The following APBB2 variants were observed in gnomAD, a reference collection of about 807,000 sequenced individuals.
The protein encoded by APBB2 is amyloid beta precursor protein binding family B member 2.
Under a neutral mutation model 82.5 loss-of-function variants are expected in APBB2, and 38 were observed. The ratio of observed to expected loss-of-function variants is 0.46; its 90% CI spans 0.36 to 0.60. The LOEUF (loss-of-function observed/expected upper bound fraction) is 0.60, where lower values mean the gene tolerates loss of function less well. Among genes scored for constraint, APBB2 ranks in the 20% least tolerant of loss-of-function variants. APBB2 has a pLI of 0.00. For synonymous variants in APBB2, 341 were observed against 368.2 expected (o/e 0.93, Z 0.85); for missense variants, 772 against 972.3 (o/e 0.79, Z 2.74).
chr4:41,040,704 G>C (rs993161751), intron 4 of APBB2, among the ~76,000 whole-genome samples: 5 of 151,938 alleles, frequency 3.3e-5, no homozygotes, highest in African/African-American at 1.2e-4. Flanking sequence ...AATGCCACAA[G>C]ACAATTCTCA....
intron 1 of APBB2, among the ~76,000 whole-genome samples, chr4:41,192,104 T>A (rs896904904): frequency 6.6e-6 from 1 of 152,150 alleles, no homozygotes; most frequent in African/African-American, 2.4e-5. Context: ...CTCACACCCA[T>A]TAGGAATGCT....
At chr4:41,093,693 A>G (rs1420363364) in intron 3 of APBB2, among the ~76,000 whole-genome samples, 1 of 152,168 alleles carries the variant, frequency 6.6e-6, no homozygotes, top group Non-Finnish European at 1.5e-5. Context: ...CACTTCTACT[A>G]AAAATACAAA....
chr4:41,061,133 C>G (rs1330121764), intron 4 of APBB2, among the ~76,000 whole-genome samples: 3 of 152,204 alleles, frequency 2.0e-5, no homozygotes, highest in Non-Finnish European at 4.4e-5. Context: ...AGGCCAAGGT[C>G]TGGAAGCTAT....
At chr4:41,191,922 C>T (rs374952570) in intron 1 of APBB2, among the ~76,000 whole-genome samples, 1 of 150,962 alleles carries the variant, frequency 6.6e-6, no homozygotes, top group East Asian at 1.9e-4. Context: ...AGAACTCATA[C>T]AACTCAATAG....
At chr4:40,850,013 C>T (rs944789607) in intron 12 of APBB2, among the ~76,000 whole-genome samples, 3 of 152,148 alleles carry the variant, frequency 2.0e-5, no homozygotes, top group African/African-American at 4.8e-5. Context: ...CGTGAGCCAC[C>T]GTGCCCTGCT....
chr4:41,151,788 G>C (rs1414557912), intron 1 of APBB2, among the ~76,000 whole-genome samples: 1 of 149,348 alleles, frequency 6.7e-6, no homozygotes, highest in East Asian at 2.0e-4. Context: ...TTTTTTTTAA[G>C]TGAATTAAAG....
intron 12 of APBB2, among the ~76,000 whole-genome samples, chr4:40,876,874 C>T (rs572805753): frequency 2.0e-5 from 3 of 152,158 alleles, no homozygotes; most frequent in Non-Finnish European, 2.9e-5. Flanking sequence ...ATACAATATA[C>T]CATGGTCTGT....
chr4:40,916,978 T>C (rs981496229), intron 10 of APBB2, among the ~76,000 whole-genome samples: 2 of 152,184 alleles, frequency 1.3e-5, no homozygotes, highest in Admixed American at 6.5e-5. Flanking sequence ...ACCACGTCCC[T>C]GGGCTCTGCT....
At chr4:40,906,489 G>C (rs11735836) in intron 10 of APBB2, among the ~76,000 whole-genome samples, 40,773 of 122,102 alleles carry the variant, frequency 0.33, 6,022 homozygotes, top group Admixed American at 0.38. Context: ...AAAAAAAAAA[G>C]AAAAGAAAAG....
chr4:40,924,420 G>A (rs1013597903), intron 10 of APBB2, among the ~76,000 whole-genome samples: 5 of 152,294 alleles, frequency 3.3e-5, no homozygotes, highest in East Asian at 1.9e-4. Context: ...AACTTGCCAC[G>A]TCTCATCAAG....
At chr4:41,014,454 G>T in intron 5 of APBB2, 56 bp from the exon 6 acceptor site, 1 of 1,465,774 alleles carries the variant, frequency 6.8e-7, no homozygotes, top group Non-Finnish European at 9.4e-7. Context: ...TTAGTATACA[G>T]TGTGAGTAAA....
intron 6 of APBB2, among the ~76,000 whole-genome samples, chr4:40,973,014 ACT>A (rs1268244045): frequency 2.6e-5 from 4 of 152,320 alleles, no homozygotes; most frequent in Admixed American, 6.5e-5. Flanking sequence ...TACAATAAAC[ACT>A]GTCTTACACA....
At chr4:40,921,896 T>C (rs1578447705) in intron 10 of APBB2, among the ~76,000 whole-genome samples, 2 of 152,146 alleles carry the variant, frequency 1.3e-5, no homozygotes, top group South Asian at 4.1e-4. Context: ...GGCAGAAAAG[T>C]GGGACCCTGG....
chr4:40,988,729 GATAA>G (rs1380962708), intron 6 of APBB2, among the ~76,000 whole-genome samples: 2 of 147,148 alleles, frequency 1.4e-5, no homozygotes, highest in Non-Finnish European at 3.0e-5. Context: ...TGTGACGAAT[GATAA>G]ATAAATAATG....
chr4:40,893,216 G>A, intron 11 of APBB2, 49 bp downstream of exon 11: 1 of 1,592,740 alleles, frequency 6.3e-7, no homozygotes, highest in Non-Finnish European at 8.6e-7. Context: ...TTCCTGAAAT[G>A]CAGGAGAACG....
chr4:41,092,048 T>C (rs1741897422), intron 3 of APBB2, among the ~76,000 whole-genome samples: 1 of 152,228 alleles, frequency 6.6e-6, no homozygotes, highest in Admixed American at 6.5e-5. Context: ...CATTCTCTTC[T>C]ATGGTCCAGA....
At chr4:41,154,349 T>C (rs1004244772) in intron 1 of APBB2, among the ~76,000 whole-genome samples, 3 of 152,212 alleles carry the variant, frequency 2.0e-5, no homozygotes, top group Admixed American at 6.5e-5. Context: ...CTGGCAATAG[T>C]ACAACCAATC....
At chr4:40,903,715 G>C (rs966654116) in intron 10 of APBB2, among the ~76,000 whole-genome samples, 39 of 152,270 alleles carry the variant, frequency 2.6e-4, no homozygotes, top group African/African-American at 8.7e-4. Flanking sequence ...GAACAGGCAG[G>C]GTTTTGGGGA....
chr4:41,049,315 GC>G (rs1201382602), intron 4 of APBB2, among the ~76,000 whole-genome samples: 1 of 146,488 alleles, frequency 6.8e-6, no homozygotes, highest in Non-Finnish European at 1.5e-5. Context: ...CCCGGCAGCC[GC>G]CCCGTCGGAG....
Sources: allele counts gnomAD v4.1 joint callset (sites outside exome capture counted in the v4.1 genomes callset), GRCh38; gene constraint gnomAD v4.1.1; transcripts MANE v1.5; gene names NCBI Gene and HGNC (gene_info 2026-07-23, HGNC 2026-07-21).